Variants in CRPPA observed in about 807,000 individuals in gnomAD.
The protein encoded by CRPPA is CDP-L-ribitol pyrophosphorylase A.
Under a neutral mutation model 52.0 loss-of-function variants are expected in CRPPA, and 43 were observed. The ratio of observed to expected loss-of-function variants is 0.83; its 90% CI spans 0.65 to 1.07. The LOEUF (loss-of-function observed/expected upper bound fraction) is 1.07, where lower values mean the gene tolerates loss of function less well. Among genes scored for constraint, CRPPA ranks in the 50% least tolerant of loss-of-function variants. The pLI is 0.00. For synonymous variants in CRPPA, 250 were observed against 203.5 expected (o/e 1.23, Z -1.94); for missense variants, 629 against 551.7 (o/e 1.14, Z -1.40).
chr7:16,150,520 C>T (rs1035484724), intron 9 of CRPPA, among the ~76,000 whole-genome samples: 1 of 152,120 alleles, frequency 6.6e-6, no homozygotes, highest in African/African-American at 2.4e-5. Context: ...TGATTGTTTT[C>T]ATCCCACATC....
intron 5 of CRPPA, among the ~76,000 whole-genome samples, chr7:16,286,087 T>TAA (rs1206296972): frequency 0.13 from 1,934 of 15,410 alleles, 232 homozygotes; most frequent in Middle Eastern, 0.21. Flanking sequence ...ATATAATATT[T>TAA]AAAAAAAAAA....
At chr7:16,369,156 T>G (rs371609987) in intron 3 of CRPPA, among the ~76,000 whole-genome samples, 3 of 152,236 alleles carry the variant, frequency 2.0e-5, no homozygotes, top group South Asian at 4.1e-4. Context: ...GCTGGGAGCA[T>G]CGGCAAGCTA....
At chr7:16,252,242 G>C (rs1216235466) in intron 8 of CRPPA, among the ~76,000 whole-genome samples, 3 of 152,096 alleles carry the variant, frequency 2.0e-5, no homozygotes, top group Non-Finnish European at 4.4e-5. Flanking sequence ...GCAAGGCTGG[G>C]TCAACATATG....
intron 9 of CRPPA, among the ~76,000 whole-genome samples, chr7:16,153,868 G>A (rs1783123724): frequency 6.6e-6 from 1 of 151,818 alleles, no homozygotes; most frequent in Non-Finnish European, 1.5e-5. Flanking sequence ...AGGAAAGGCA[G>A]AATCAAGTGT....
intron 3 of CRPPA, among the ~76,000 whole-genome samples, chr7:16,309,831 G>C (rs1784996238): frequency 2.6e-5 from 4 of 152,122 alleles, no homozygotes; most frequent in African/African-American, 9.7e-5. Flanking sequence ...CACAAAAGGA[G>C]TTCATAAACA....
intron 9 of CRPPA, among the ~76,000 whole-genome samples, chr7:16,167,738 T>C (rs1162901707): frequency 1.3e-5 from 2 of 152,256 alleles, no homozygotes; most frequent in Non-Finnish European, 2.9e-5. Flanking sequence ...GAATGTATTA[T>C]GCATACTCCG....
At chr7:16,190,734 C>T (rs1471053581) in intron 9 of CRPPA, among the ~76,000 whole-genome samples, 2 of 152,196 alleles carry the variant, frequency 1.3e-5, no homozygotes, top group South Asian at 2.1e-4. Context: ...GTGTACACTG[C>T]ATCCAATGCG....
chr7:16,100,782 G>A (rs1403927936), intron 9 of CRPPA, among the ~76,000 whole-genome samples: 1 of 152,174 alleles, frequency 6.6e-6, no homozygotes, highest in African/African-American at 2.4e-5. Flanking sequence ...GATATTGGCT[G>A]TGGGTTTGTC....
intron 9 of CRPPA, among the ~76,000 whole-genome samples, chr7:16,130,370 T>C (rs1401210941): frequency 6.6e-6 from 1 of 152,146 alleles, no homozygotes; most frequent in Non-Finnish European, 1.5e-5. Flanking sequence ...GGCTGGGAAA[T>C]GCTATTCCAA....
At chr7:16,104,782 C>T (rs1312721671) in intron 9 of CRPPA, among the ~76,000 whole-genome samples, 1 of 152,018 alleles carries the variant, frequency 6.6e-6, no homozygotes, top group Non-Finnish European at 1.5e-5. Context: ...CGCCTGTAGT[C>T]CCAGCTACTC....
intron 1 of CRPPA, among the ~76,000 whole-genome samples, chr7:16,417,289 G>T (rs1226941281): frequency 2.0e-5 from 3 of 152,354 alleles, no homozygotes; most frequent in African/African-American, 7.2e-5. Flanking sequence ...AATCTCATTA[G>T]TGGGTATATA....
chr7:16,310,153 T>TG (rs35243813), intron 3 of CRPPA, among the ~76,000 whole-genome samples: 3 of 151,972 alleles, frequency 2.0e-5, no homozygotes, highest in South Asian at 4.1e-4. Flanking sequence ...TGATTCACCA[T>TG]GGGGGGGTTA....
At chr7:16,263,406 C>T (rs1363343725) in intron 6 of CRPPA, among the ~76,000 whole-genome samples, 1 of 152,182 alleles carries the variant, frequency 6.6e-6, no homozygotes, top group African/African-American at 2.4e-5. Flanking sequence ...TTCTTCAAAG[C>T]TATTATGTAT....
chr7:16,332,185 C>G (rs1277257208), intron 3 of CRPPA, among the ~76,000 whole-genome samples: 2 of 152,046 alleles, frequency 1.3e-5, no homozygotes, highest in African/African-American at 4.8e-5. Flanking sequence ...GGACGAATAC[C>G]TACCTAGAAT....
chr7:16,339,965 AG>A (rs1785780569), intron 3 of CRPPA, among the ~76,000 whole-genome samples: 1 of 152,160 alleles, frequency 6.6e-6, no homozygotes, highest in African/African-American at 2.4e-5. Flanking sequence ...ATATGAATAC[AG>A]TCAACTTTGG....
At chr7:16,170,767 C>G (rs1781165150) in intron 9 of CRPPA, among the ~76,000 whole-genome samples, 1 of 152,164 alleles carries the variant, frequency 6.6e-6, no homozygotes, top group Non-Finnish European at 1.5e-5. Context: ...AAGCGGGGTA[C>G]AGGTGGGCCA....
intron 1 of CRPPA, among the ~76,000 whole-genome samples, chr7:16,407,078 C>T (rs1211714224): frequency 3.3e-5 from 5 of 152,122 alleles, no homozygotes; most frequent in Admixed American, 2.0e-4. Context: ...TGGGTTCAAA[C>T]GATTCTCGTG....
chr7:16,264,487 C>A (rs1783900162), intron 6 of CRPPA, among the ~76,000 whole-genome samples: 1 of 152,114 alleles, frequency 6.6e-6, no homozygotes, highest in Non-Finnish European at 1.5e-5. Context: ...CTATATAAAG[C>A]ATGGATATTA....
intron 9 of CRPPA, among the ~76,000 whole-genome samples, chr7:16,122,428 G>T (rs1782497524): frequency 6.6e-6 from 1 of 151,842 alleles, no homozygotes; most frequent in African/African-American, 2.4e-5. Context: ...AAAAACAATT[G>T]ATAATCTTTA....
Sources: allele counts gnomAD v4.1 joint callset (sites outside exome capture counted in the v4.1 genomes callset), GRCh38; gene constraint gnomAD v4.1.1; transcripts MANE v1.5; gene names NCBI Gene and HGNC (gene_info 2026-07-23, HGNC 2026-07-21).